The following INVS variants were observed in gnomAD, a reference collection of about 807,000 sequenced individuals.
The protein encoded by INVS is inversin, also known as inversion of embryo turning homolog.
INVS carries 86 observed loss-of-function variants against 108.8 expected under a neutral mutation model. The observed-to-expected ratio is 0.79, with a 90% CI of 0.66 to 0.95. The LOEUF (loss-of-function observed/expected upper bound fraction) is 0.95. Among genes scored for constraint, INVS ranks in the 40% least tolerant of loss-of-function variants. The probability of loss-of-function intolerance (pLI) is 0.00; values close to 1 mark genes in which losing one functional copy is unlikely to be tolerated. For missense variants in INVS, 1,169 were observed against 1,297.4 expected, an observed-to-expected ratio of 0.90 and a Z score of 1.52; for synonymous variants, 455 against 473.5, an observed-to-expected ratio of 0.96 and a Z score of 0.51.
chr9:100,162,018 A>G (rs983744117), intron 3 of INVS, among the ~76,000 whole-genome samples: 2 of 152,218 alleles, frequency 1.3e-5, no homozygotes, highest in African/African-American at 4.8e-5. Context: ...CACAGAAGAT[A>G]GAGCCTGGAA....
intron 3 of INVS, among the ~76,000 whole-genome samples, chr9:100,178,495 G>A (rs10819733): frequency 0.19 from 29,374 of 152,074 alleles, 4,529 homozygotes; most frequent in African/African-American, 0.43. Context: ...TGAAGCACAC[G>A]CAAGTATCAA....
At chr9:100,113,409 T>C (rs1286643650) in intron 2 of INVS, among the ~76,000 whole-genome samples, 1 of 152,236 alleles carries the variant, frequency 6.6e-6, no homozygotes, top group Non-Finnish European at 1.5e-5. Flanking sequence ...CCTTTCTTGC[T>C]TTTTACCAGC....
chr9:100,180,507 G>A (rs1010073311), intron 3 of INVS, among the ~76,000 whole-genome samples: 10 of 152,214 alleles, frequency 6.6e-5, no homozygotes, highest in African/African-American at 1.4e-4. Flanking sequence ...ACACCTCTAC[G>A]CAAATAAACT....
intron 5 of INVS, among the ~76,000 whole-genome samples, chr9:100,230,455 TTTTTG>T (rs923095930): frequency 3.9e-5 from 6 of 151,938 alleles, no homozygotes; most frequent in Admixed American, 2.0e-4. Flanking sequence ...CATGTTTTTG[TTTTTG>T]TTTTGTTTTG....
chr9:100,116,934 C>T (rs1827551597), intron 2 of INVS: 3 of 1,504,634 alleles, frequency 2.0e-6, no homozygotes, highest in Non-Finnish European at 2.7e-6. Flanking sequence ...GCGAAGTTGC[C>T]CAGGGTGGCA....
rs886038603 is a variant in INVS, at chr9:100,126,454, A to G, written c.178A>G (p.Arg60Gly). ...ACTTATGTATTGCGTGTTGGCTGAC[A>G]GATTGGATTGTGCAGATGCTCTTCT... The part of the protein sequence containing the change: ...TPLMYCVLAD[R>G]LDCADALLKA... The change falls in exon 3 of 17, where the codon AGA (arginine) becomes GGA (glycine). Residue 60 changes from arginine to glycine, a missense_variant. Transcript: ENST00000262457. 3.7e-6 allele frequency: 6 copies of G among 1,614,134 alleles called. No homozygotes were observed. The highest frequency in any genetic ancestry group is 5.1e-6 in the Non-Finnish European group (6 of 1,179,968).
At chr9:100,220,577 G>A (rs1831115472) in intron 3 of INVS, among the ~76,000 whole-genome samples, 3 of 152,004 alleles carry the variant, frequency 2.0e-5, no homozygotes, top group African/African-American at 7.3e-5. Flanking sequence ...ATCCTCTTTT[G>A]ATCTATTATC....
At chr9:100,164,681 A>C (rs1321585762) in intron 3 of INVS, among the ~76,000 whole-genome samples, 1 of 152,178 alleles carries the variant, frequency 6.6e-6, no homozygotes, top group Non-Finnish European at 1.5e-5. Flanking sequence ...TTTTCAAAAA[A>C]TGTAACAAGA....
intron 3 of INVS, among the ~76,000 whole-genome samples, chr9:100,137,406 T>C (rs1828262822): frequency 6.6e-6 from 1 of 152,164 alleles, no homozygotes. Flanking sequence ...AAAGCTAGTG[T>C]TTAATGATAA....
chr9:100,105,936 A>G (rs1827165881), intron 2 of INVS, among the ~76,000 whole-genome samples: 1 of 131,498 alleles, frequency 7.6e-6, no homozygotes, highest in East Asian at 2.4e-4. Context: ...CTATCTTGCT[A>G]AGCAGTTGAA....
At chr9:100,237,390 G>T (rs1159981414) in intron 5 of INVS, among the ~76,000 whole-genome samples, 1 of 152,130 alleles carries the variant, frequency 6.6e-6, no homozygotes, top group Non-Finnish European at 1.5e-5. Flanking sequence ...TGGGGTTCCA[G>T]GTGCCACTGG....
intron 3 of INVS, among the ~76,000 whole-genome samples, chr9:100,180,728 G>A (rs1322389126): frequency 1.3e-5 from 2 of 152,064 alleles, no homozygotes; most frequent in Admixed American, 1.3e-4. Context: ...CATTCCTTCT[G>A]AAACCATTCC....
intron 3 of INVS, among the ~76,000 whole-genome samples, chr9:100,214,491 G>A (rs750561727): frequency 6.6e-6 from 1 of 152,164 alleles, no homozygotes; most frequent in Non-Finnish European, 1.5e-5. Context: ...ACATTGATTT[G>A]TCTAAGCCAC....
chr9:100,117,057 C>A, intron 2 of INVS: 1 of 1,277,022 alleles, frequency 7.8e-7, no homozygotes, highest in Non-Finnish European at 1.1e-6. Context: ...ATGAGGCACA[C>A]CAGCACAGAG....
chr9:100,284,673 A>C (rs1833383236), intron 13 of INVS, 70 bp downstream of exon 13: 1 of 1,483,054 alleles, frequency 6.7e-7, no homozygotes, highest in African/African-American at 1.4e-5. Context: ...GTGTATTTAG[A>C]CCAATTACAC....
At position 100,252,984 on chromosome 9, in the gene INVS, G is replaced by A. The variant is rs2118562946; in HGVS notation, c.1312G>A (p.Val438Ile). 2 of 1,613,932 alleles carry A rather than the reference G, an allele frequency of 1.2e-6. No individual in the cohort carries two copies. The highest frequency in any genetic ancestry group is 1.7e-6 in the Non-Finnish European group (2 of 1,179,884). Residue 438 changes from valine (V) to isoleucine (I), a missense_variant, in exon 10 of 17, where the codon GTT (valine) becomes ATT (isoleucine). Coordinates refer to ENST00000262457, the MANE Select transcript of INVS (RefSeq NM_014425.5). ...GGCAGCACTGGGAGGAAATGCTGAT[G>A]TTTGCCAGATATTAATAGAAAATAA... ...HWAALGGNAD[V>I]CQILIENKIN...
intron 12 of INVS, among the ~76,000 whole-genome samples, chr9:100,277,959 G>A (rs151256312): frequency 2.7e-4 from 41 of 152,198 alleles, no homozygotes; most frequent in African/African-American, 9.9e-4. Context: ...TTTAAATTAT[G>A]TGAAGATGCC....
At chr9:100,133,697 C>A (rs1028002152) in intron 3 of INVS, among the ~76,000 whole-genome samples, 1 of 149,808 alleles carries the variant, frequency 6.7e-6, no homozygotes, top group Admixed American at 6.7e-5. Flanking sequence ...AGCTCCCCAA[C>A]ATTTTTGTTG....
At chr9:100,276,734 C>T (rs578139771) in intron 12 of INVS, among the ~76,000 whole-genome samples, 38 of 152,102 alleles carry the variant, frequency 2.5e-4, no homozygotes, top group Non-Finnish European at 5.0e-4. Flanking sequence ...GTGTCAAACT[C>T]CTGACCTCAA....
Sources: allele counts gnomAD v4.1 joint callset (sites outside exome capture counted in the v4.1 genomes callset), GRCh38; gene constraint gnomAD v4.1.1; transcripts MANE v1.5; gene names NCBI Gene and HGNC (gene_info 2026-07-23, HGNC 2026-07-21).